Variants in SERPINE2 observed in about 807,000 individuals in gnomAD.
SERPINE2 encodes glia-derived nexin.
Under a neutral mutation model 36.3 loss-of-function variants are expected in SERPINE2, and 14 were observed. The ratio of observed to expected loss-of-function variants is 0.39; its 90% confidence interval spans 0.25 to 0.60. The LOEUF is 0.60. Ranked by LOEUF, SERPINE2 falls within the 20% of genes least tolerant of loss-of-function variation. The pLI is 0.57. For synonymous variants in SERPINE2, 192 were observed against 191.8 expected, an observed-to-expected ratio of 1.00 and a Z score of -0.01; for missense variants, 418 against 499.6, an observed-to-expected ratio of 0.84 and a Z score of 1.56.
chr2:224,006,861 G>A (rs1159725113), intron 1 of SERPINE2, among the ~76,000 whole-genome samples: 1 of 152,206 alleles, frequency 6.6e-6, no homozygotes, highest in Non-Finnish European at 1.5e-5. Flanking sequence ...CAAATGTTCT[G>A]CACAGACGCC....
intron 1 of SERPINE2, among the ~76,000 whole-genome samples, chr2:224,008,165 G>A (rs945516959): frequency 4.6e-5 from 7 of 152,220 alleles, no homozygotes; most frequent in Non-Finnish European, 1.0e-4. Flanking sequence ...GCCGTAGAGG[G>A]TGGTGAAATC....
intron 1 of SERPINE2, 46 bp from the exon 2 acceptor site, chr2:224,001,968 A>C: frequency 6.8e-7 from 1 of 1,460,210 alleles, no homozygotes; most frequent in Non-Finnish European, 9.1e-7. Flanking sequence ...TTAAATGGGT[A>C]CTTTACTACT....
At chr2:223,995,622 TTTTG>T (rs1690854125) in intron 3 of SERPINE2, among the ~76,000 whole-genome samples, 1 of 152,218 alleles carries the variant, frequency 6.6e-6, no homozygotes, top group South Asian at 2.1e-4. Context: ...TTGTTTTTGT[TTTTG>T]TTTTTGTTTT....
At chr2:224,032,429 G>A (rs1352527923) in intron 1 of SERPINE2, among the ~76,000 whole-genome samples, 1 of 152,132 alleles carries the variant, frequency 6.6e-6, no homozygotes, top group East Asian at 1.9e-4. Context: ...GTAAGAGAAG[G>A]CACTGATGCT....
chr2:224,013,629 G>A (rs1691703498), intron 1 of SERPINE2, among the ~76,000 whole-genome samples: 1 of 152,174 alleles, frequency 6.6e-6, no homozygotes, highest in Non-Finnish European at 1.5e-5. Context: ...CTCAGTGGCT[G>A]GCTGTTCTGT....
intron 1 of SERPINE2, chr2:224,031,566 A>T (rs1283372960): frequency 1.1e-6 from 1 of 921,990 alleles, no homozygotes; most frequent in African/African-American, 1.8e-5. Flanking sequence ...TGACCACGTG[A>T]CCTAGCATCA....
intron 1 of SERPINE2, among the ~76,000 whole-genome samples, chr2:224,003,275 C>T (rs1000632518): frequency 6.6e-6 from 1 of 152,038 alleles, no homozygotes; most frequent in Non-Finnish European, 1.5e-5. Context: ...GTGGGTGAAG[C>T]CGAAGGAGAG....
intron 1 of SERPINE2, among the ~76,000 whole-genome samples, chr2:224,010,915 T>C (rs1691603782): frequency 1.3e-5 from 2 of 152,166 alleles, no homozygotes; most frequent in Admixed American, 6.5e-5. Context: ...ACTGCTACCT[T>C]GATAAAGCCT....
chr2:224,030,353 C>T, intron 1 of SERPINE2: 4 of 374,780 alleles, frequency 1.1e-5, no homozygotes, highest in Non-Finnish European at 1.5e-5. Flanking sequence ...AGACATGAGT[C>T]TCAGAGAAGT....
chr2:224,016,372 G>A (rs1485524944), intron 1 of SERPINE2, among the ~76,000 whole-genome samples: 1 of 152,090 alleles, frequency 6.6e-6, no homozygotes, highest in African/African-American at 2.4e-5. Context: ...CAGTCGTCGC[G>A]GCAGGTGCCT....
At chr2:224,024,136 G>A (rs1038963850) in intron 1 of SERPINE2, among the ~76,000 whole-genome samples, 3 of 152,168 alleles carry the variant, frequency 2.0e-5, no homozygotes, top group Non-Finnish European at 4.4e-5. Flanking sequence ...GTAGGAAAAG[G>A]GAATGAGGGA....
At chr2:223,987,672 G>A (rs1484540442) in intron 4 of SERPINE2, among the ~76,000 whole-genome samples, 1 of 152,208 alleles carries the variant, frequency 6.6e-6, no homozygotes, top group Non-Finnish European at 1.5e-5. Flanking sequence ...GAGACAATAA[G>A]TGAAGAATCA....
chr2:224,009,923 T>C (rs771478272), intron 1 of SERPINE2, among the ~76,000 whole-genome samples: 16 of 152,234 alleles, frequency 1.1e-4, no homozygotes, highest in African/African-American at 2.2e-4. Flanking sequence ...TAATTGTTAA[T>C]GTACAAGTAA....
intron 2 of SERPINE2, among the ~76,000 whole-genome samples, chr2:223,999,202 CAA>C (rs2106160699): frequency 6.6e-6 from 1 of 152,268 alleles, no homozygotes; most frequent in South Asian, 2.1e-4. Context: ...GTAACAAGCT[CAA>C]AGAGTAAGGA....
rs148427474 is a variant in SERPINE2, at chr2:223,980,058, T to C, written c.1072+253A>G. On this transcript the variant is annotated intron_variant, in intron 7 of 8. Coordinates refer to ENST00000409304, the MANE Select transcript of SERPINE2 (RefSeq NM_001136528.2). ...CTGAAATACATACTACCTGGCTCTT[T>C]ATAGAAGTTTGCTGACTCCTGTCCT... The C allele has an allele frequency of 1.1e-3, 426 of 376,240 alleles. 3 individuals carry two copies. Among genetic ancestry groups the C allele is most frequent in the African/African-American group, 7.3e-3 (358 of 49,114 alleles). The allele number at this position is 376,240 out of a possible 1,614,324, so 23.3% of individuals were successfully genotyped here. A position where few individuals can be genotyped will look rare whatever the true frequency, so the allele number is the denominator to read the frequency against.
chr2:223,990,649 GGCC>G lies in SERPINE2; in HGVS notation c.685+1151_685+1153del, dbSNP rs569378413. Among the ~76,000 whole-genome samples, 803 of 151,850 alleles carry G rather than the reference GGCC, an allele frequency of 5.3e-3. 10 individuals are homozygous for G. Among genetic ancestry groups the G allele is most frequent in the Non-Finnish European group, 9.3e-3 (629 of 67,980 alleles). ...AATCACTTCATTGAAACACTAACAC[GGCC>G]ACCGGCTCATATCCCAGGCAAAGTG... On this transcript the variant is annotated intron_variant, in intron 4 of 8. Coordinates refer to ENST00000409304, the MANE Select transcript of SERPINE2 (RefSeq NM_001136528.2).
intron 3 of SERPINE2, among the ~76,000 whole-genome samples, chr2:223,993,137 G>A (rs28638099): frequency 6.6e-6 from 1 of 151,186 alleles, no homozygotes; most frequent in Non-Finnish European, 1.5e-5. Context: ...AAAAAAATAA[G>A]ATAAAATAAA....
At chr2:224,007,052 G>A (rs1419450263) in intron 1 of SERPINE2, among the ~76,000 whole-genome samples, 4 of 152,240 alleles carry the variant, frequency 2.6e-5, no homozygotes, top group Non-Finnish European at 4.4e-5. Context: ...AGGATAGCCA[G>A]ACACAAAACA....
At chr2:224,004,483 C>G (rs982545626) in intron 1 of SERPINE2, among the ~76,000 whole-genome samples, 1 of 152,186 alleles carries the variant, frequency 6.6e-6, no homozygotes, top group Non-Finnish European at 1.5e-5. Context: ...TTGGGCTCAA[C>G]GGGCCAGCGT....
Sources: allele counts gnomAD v4.1 joint callset (sites outside exome capture counted in the v4.1 genomes callset), GRCh38; gene constraint gnomAD v4.1.1; transcripts MANE v1.5; gene names NCBI Gene and HGNC (gene_info 2026-07-23, HGNC 2026-07-21).